TSFM: variants seen among roughly 807,000 people sequenced by gnomAD.
TSFM encodes the protein elongation factor Ts, mitochondrial.
TSFM carries 29 observed loss-of-function variants against 33.4 expected under a neutral mutation model. That is an observed-to-expected ratio of 0.87 (90% confidence interval 0.65 to 1.18). The LOEUF is 1.18. Among genes scored for constraint, TSFM ranks in the 50% most tolerant of loss-of-function variants. The pLI, the probability that TSFM is intolerant of heterozygous loss-of-function variation, is 0.00. For synonymous variants in TSFM, 178 were observed against 163.5 expected (o/e 1.09, Z -0.68); for missense variants, 394 against 395.6 (o/e 1.00, Z 0.04).
At chr12:57,800,998 G>T, downstream of TSFM, 2 of 580,496 alleles carry the variant, frequency 3.4e-6, no homozygotes, top group Non-Finnish European at 2.9e-6. Flanking sequence ...CTTTTCTATT[G>T]ATTACAAAAA....
chr12:57,802,122 T>A (rs1476349569), downstream of TSFM: 1 of 1,605,890 alleles, frequency 6.2e-7, no homozygotes, highest in Non-Finnish European at 8.5e-7. Flanking sequence ...CTGAGCTACC[T>A]GGCAGGAAGT....
intron 2 of TSFM, chr12:57,784,278 G>A (rs1224310058): frequency 1.6e-6 from 1 of 611,306 alleles, no homozygotes; most frequent in Non-Finnish European, 2.9e-6. Flanking sequence ...TTGCAGGACT[G>A]GAAGTTGCTC....
At chr12:57,797,654 G>C, downstream of TSFM, 1 of 832,700 alleles carries the variant, frequency 1.2e-6, no homozygotes, top group South Asian at 5.4e-5. Context: ...TGAGGCTTTA[G>C]CTAGAGGGCC....
downstream of TSFM, chr12:57,802,512 C>T (rs1453295721): frequency 1.2e-6 from 1 of 844,784 alleles, no homozygotes; most frequent in Admixed American, 2.0e-5. Context: ...TTCCCAGAAT[C>T]AGCTTGATGT....
chr12:57,799,012 T>C (rs1392097171), downstream of TSFM, among the ~76,000 whole-genome samples: 1 of 152,150 alleles, frequency 6.6e-6, no homozygotes, highest in Non-Finnish European at 1.5e-5. Flanking sequence ...GCAGAGAAGC[T>C]GAGAATATGA....
chr12:57,794,201 G>A (rs920941620), intron 5 of TSFM, among the ~76,000 whole-genome samples: 1 of 152,232 alleles, frequency 6.6e-6, no homozygotes, highest in African/African-American at 2.4e-5. Flanking sequence ...GGGTGTTTCA[G>A]CCTTGTCAGT....
At chr12:57,802,346 C>G (rs151180457), downstream of TSFM, 2 of 1,609,454 alleles carry the variant, frequency 1.2e-6, no homozygotes, top group Non-Finnish European at 1.7e-6. Flanking sequence ...TCCACAAGAA[C>G]ACCTGTTAAG....
downstream of TSFM, chr12:57,799,777 G>A: frequency 6.2e-7 from 1 of 1,613,486 alleles, no homozygotes; most frequent in African/African-American, 1.3e-5. Context: ...AACAGACACA[G>A]TTCCTTCAGC....
In TSFM at chr12:57,797,383, A is replaced by G; in HGVS notation, c.*800A>G. ...ATACTGAAAATAACTCCATTTGTTC[A>G]TTATAGGTATCTTTATTTGAAAAGT... On this transcript the variant is annotated 3_prime_UTR_variant, in exon 6 of 6. Coordinates refer to ENST00000652027, the MANE Select transcript of TSFM (RefSeq NM_005726.6). The G allele has an allele frequency of 1.0e-6, 1 of 985,432 alleles. No individual in the cohort carries two copies. Among genetic ancestry groups the G allele is most frequent in the African/African-American group, 1.7e-5 (1 of 57,364 alleles). The allele number at this position is 985,432 out of a possible 1,614,324, so 61.0% of individuals were successfully genotyped here.
chr12:57,783,373 C>T, intron 2 of TSFM, 90 bp downstream of exon 2: 2 of 1,471,486 alleles, frequency 1.4e-6, no homozygotes, highest in African/African-American at 1.4e-5. Flanking sequence ...AGTTAGACTG[C>T]TCTTCAGTGA....
chr12:57,790,813 G>A (rs1226684074), intron 4 of TSFM, among the ~76,000 whole-genome samples: 2 of 147,088 alleles, frequency 1.4e-5, no homozygotes, highest in South Asian at 2.1e-4. Context: ...TTTTTTGGCT[G>A]GGCACAGTGG....
intron 5 of TSFM, among the ~76,000 whole-genome samples, chr12:57,795,803 C>G (rs1299226446): frequency 6.6e-6 from 1 of 151,930 alleles, no homozygotes; most frequent in African/African-American, 2.4e-5. Flanking sequence ...TTAGTAGAAA[C>G]AGGGTTTCAT....
chr12:57,787,168 T>A lies in TSFM; in HGVS notation c.483+6T>A. On this transcript the variant is annotated splice_donor_region_variant and intron_variant, in intron 4 of 5. Coordinates refer to ENST00000652027, the MANE Select transcript of TSFM (RefSeq NM_005726.6). ...AACCCTCTGCATACAGTAAAGTAAGTTTGGGATTTGTCTCCAGTGTGCTGA... is the reference window on the plus strand; with the variant it reads ...AACCCTCTGCATACAGTAAAGTAAGATTGGGATTTGTCTCCAGTGTGCTGA... 1 of 1,558,974 alleles carries A rather than the reference T, an allele frequency of 6.4e-7. No individual in the cohort carries two copies. The highest frequency in any genetic ancestry group is 8.7e-7 in the Non-Finnish European group (1 of 1,150,390).
At chr12:57,784,103 T>G (rs1182215057) in intron 2 of TSFM, 1 of 702,730 alleles carries the variant, frequency 1.4e-6, no homozygotes, top group African/African-American at 1.7e-5. Flanking sequence ...AATTGCCAGC[T>G]GCTCCTAGGC....
downstream of TSFM, among the ~76,000 whole-genome samples, chr12:57,799,216 G>A (rs1290661530): frequency 6.6e-6 from 1 of 152,168 alleles, no homozygotes; most frequent in Non-Finnish European, 1.5e-5. Context: ...TGATGATTTG[G>A]GAGAAGGATG....
At position 57,783,283 on chromosome 12, in the gene TSFM, G is replaced by GGT. The variant is rs762424912; in HGVS notation, c.231+10_231+11dup. On this transcript the variant is annotated frameshift_variant and splice_region_variant. Coordinates refer to ENST00000652027, the MANE Select transcript of TSFM (RefSeq NM_005726.6). LOFTEE classifies it high-confidence loss of function. ...AGACTTGTGGCGGGGACCTCAAACA[G>GGT]GTGTGTGTGTGGAGGGGTGCAGGGC... The GGT allele has an allele frequency of 6.2e-6, 10 of 1,613,422 alleles. No individual in the cohort carries two copies. The East Asian group carries it at 8.9e-5, about 14-fold the overall frequency.
intron 4 of TSFM, chr12:57,791,829 G>T (rs1418762372): frequency 1.1e-5 from 2 of 177,658 alleles, no homozygotes; most frequent in Non-Finnish European, 1.3e-5. Flanking sequence ...CAGGGTCAAA[G>T]GATAAATGCA....
In TSFM at chr12:57,796,656, C is replaced by T. The variant is rs1345299620; in HGVS notation, c.*73C>T. On this transcript the variant is annotated 3_prime_UTR_variant, in exon 6 of 6. Coordinates refer to ENST00000652027, the MANE Select transcript of TSFM (RefSeq NM_005726.6). ...ACATCATTACAAAAAGGAATATTTC[C>T]CAAACCTCTTCAGACCGAGAATGCA... 2.4e-6 allele frequency: 3 copies of T among 1,276,202 alleles called. No individual in the cohort carries two copies. Among genetic ancestry groups the T allele is most frequent in the Non-Finnish European group, 3.0e-6 (3 of 1,003,486 alleles). 79.1% of individuals were successfully genotyped at this position (1,276,202 alleles called of 1,614,324 possible). A position where few individuals can be genotyped will look rare whatever the true frequency, so the allele number is the denominator to read the frequency against.
rs372812681 is a variant in TSFM, at chr12:57,796,617, A to G, written c.*34A>G. The G allele has an allele frequency of 6.7e-6, 9 of 1,348,488 alleles. No homozygotes were observed. The African/African-American group carries it at 1.3e-4, about 20-fold the overall frequency. 83.5% of individuals were successfully genotyped at this position (1,348,488 alleles called of 1,614,324 possible). On this transcript the variant is annotated 3_prime_UTR_variant, in exon 6 of 6. Transcript: ENST00000652027. ...GACTTTTGGCCCAGGAGGAATATTT[A>G]CTTTTAGCTCTGGACATCATTACAA...
Sources: allele counts gnomAD v4.1 joint callset (sites outside exome capture counted in the v4.1 genomes callset), GRCh38; gene constraint gnomAD v4.1.1; transcripts MANE v1.5; gene names NCBI Gene and HGNC (gene_info 2026-07-23, HGNC 2026-07-21).